Variants in BCAS4 observed in about 807,000 individuals in gnomAD.
BCAS4 encodes the protein breast carcinoma amplified sequence 4.
BCAS4 carries 9 observed loss-of-function variants against 15.7 expected under a neutral mutation model. The ratio of observed to expected loss-of-function variants is 0.57; its 90% CI spans 0.34 to 1.00. The LOEUF (loss-of-function observed/expected upper bound fraction) is 1.00, where lower values mean the gene tolerates loss of function less well. Among genes scored for constraint, BCAS4 ranks in the 50% least tolerant of loss-of-function variants. The pLI is 0.02. For missense variants in BCAS4, 225 were observed against 239.1 expected, an observed-to-expected ratio of 0.94 and a Z score of 0.39; for synonymous variants, 101 against 99.5, an observed-to-expected ratio of 1.02 and a Z score of -0.09.
At chr20:50,807,967 G>A (rs1419446448) in intron 1 of BCAS4, among the ~76,000 whole-genome samples, 1 of 149,988 alleles carries the variant, frequency 6.7e-6, no homozygotes, top group Non-Finnish European at 1.5e-5. Flanking sequence ...GAGTGCAGTG[G>A]CGTGATCTCG....
intron 4 of BCAS4, among the ~76,000 whole-genome samples, chr20:50,856,178 G>A (rs147476764): frequency 8.5e-5 from 13 of 152,332 alleles, no homozygotes; most frequent in African/African-American, 3.1e-4. Flanking sequence ...TCGTTTGTCA[G>A]TGCAGACTCC....
In BCAS4 at chr20:50,825,812, G is replaced by T. The variant is rs141137294; in HGVS notation, c.163-4467G>T. 4.0e-3 allele frequency among the ~76,000 whole-genome samples: 607 copies of T among 152,258 alleles called. 3 individuals are homozygous for T. The highest frequency in any genetic ancestry group is 0.014 in the African/African-American group (571 of 41,546). On this transcript the variant is annotated intron_variant, in intron 2 of 4. Transcript: ENST00000371608. ...GAATCACTTGAACCTAGGAGGCAGAGGTTGCAGTGAGCAGAGATGGTGCCA... is the reference window on the plus strand; with the variant it reads ...GAATCACTTGAACCTAGGAGGCAGATGTTGCAGTGAGCAGAGATGGTGCCA...
At chr20:50,867,310 T>G (rs1472992081) in intron 4 of BCAS4, among the ~76,000 whole-genome samples, 1 of 152,104 alleles carries the variant, frequency 6.6e-6, no homozygotes, top group Non-Finnish European at 1.5e-5. Flanking sequence ...GCCTGTTTTG[T>G]TTTGGTTTGG....
chr20:50,806,215 A>G (rs1212985342), intron 1 of BCAS4, among the ~76,000 whole-genome samples: 3 of 152,056 alleles, frequency 2.0e-5, no homozygotes, highest in Non-Finnish European at 2.9e-5. Flanking sequence ...TTTTCTCACA[A>G]TTTTCAAATG....
At chr20:50,824,472 A>C (rs2088253199) in intron 2 of BCAS4, among the ~76,000 whole-genome samples, 1 of 152,218 alleles carries the variant, frequency 6.6e-6, no homozygotes, top group African/African-American at 2.4e-5. Flanking sequence ...TGGGGCCTCC[A>C]GGCTAGCACA....
At chr20:50,847,521 A>T (rs904852365) in intron 4 of BCAS4, among the ~76,000 whole-genome samples, 1 of 152,194 alleles carries the variant, frequency 6.6e-6, no homozygotes, top group African/African-American at 2.4e-5. Context: ...TCAGCTTGTC[A>T]ATCCTCATAA....
intron 1 of BCAS4, among the ~76,000 whole-genome samples, chr20:50,801,020 T>C (rs1170446495): frequency 6.6e-6 from 1 of 152,238 alleles, no homozygotes; most frequent in Non-Finnish European, 1.5e-5. Context: ...CTAAGAATGT[T>C]ACATCCAACT....
In BCAS4 at chr20:50,841,892, T is replaced by G. The variant is rs554896122; in HGVS notation, c.391T>G (p.Phe131Val). The change falls in exon 4 of 5, where the codon TTC becomes GTC. Residue 131 changes from phenylalanine (F) to valine (V), a missense_variant. Physicochemically the swap from Phe to Val is conservative, Grantham distance 50. Coordinates refer to ENST00000371608, the MANE Select transcript of BCAS4 (RefSeq NM_198799.4). ...GCTGGGATCCGCAGGGCTCCCCTCC[T>G]TCAGGAACGTGAGTATCCTGCCCCG... Reference protein sequence around the residue: ...RWLGSAGLPSFRNKSPAPVPV... With the variant: ...RWLGSAGLPSVRNKSPAPVPV... 6.3e-7 allele frequency: 1 copy of G among 1,582,878 alleles called. No homozygotes were observed. The highest frequency in any genetic ancestry group is 1.1e-5 in the South Asian group (1 of 87,814).
intron 4 of BCAS4, among the ~76,000 whole-genome samples, chr20:50,854,367 G>A (rs1382783099): frequency 5.3e-5 from 8 of 152,114 alleles, no homozygotes; most frequent in African/African-American, 1.4e-4. Context: ...TGATGTGGGC[G>A]CTGTTCTAGC....
At chr20:50,811,168 T>C (rs996848413) in intron 1 of BCAS4, among the ~76,000 whole-genome samples, 28 of 151,714 alleles carry the variant, frequency 1.8e-4, no homozygotes, top group Non-Finnish European at 4.0e-4. Context: ...GAGGCCCCCA[T>C]TAGGTGTTTT....
intron 4 of BCAS4, among the ~76,000 whole-genome samples, chr20:50,867,974 G>A (rs752413739): frequency 2.0e-5 from 3 of 152,186 alleles, no homozygotes; most frequent in Non-Finnish European, 2.9e-5. Context: ...GAGCCACCAC[G>A]CCCAGCCTCA....
intron 4 of BCAS4, among the ~76,000 whole-genome samples, chr20:50,872,263 CAAAAAAA>C (rs71192504): frequency 4.8e-5 from 3 of 62,738 alleles, no homozygotes; most frequent in African/African-American, 8.3e-5. Flanking sequence ...GACTCTGTCT[CAAAAAAA>C]AAAAAAAAAA....
At chr20:50,811,544 G>A (rs2088062825) in intron 1 of BCAS4, among the ~76,000 whole-genome samples, 1 of 151,916 alleles carries the variant, frequency 6.6e-6, no homozygotes, top group Non-Finnish European at 1.5e-5. Flanking sequence ...TCCTCTCCCT[G>A]CCACTCCATG....
intron 1 of BCAS4, among the ~76,000 whole-genome samples, chr20:50,811,271 G>A (rs955832775): frequency 1.3e-5 from 2 of 152,084 alleles, no homozygotes; most frequent in African/African-American, 4.8e-5. Flanking sequence ...AGGCTGAGGC[G>A]GGAGGATCCC....
chr20:50,870,175 G>A (rs1979562186), intron 4 of BCAS4, among the ~76,000 whole-genome samples: 1 of 152,218 alleles, frequency 6.6e-6, no homozygotes, highest in Non-Finnish European at 1.5e-5. Context: ...GGTTTGCAAA[G>A]CCTAAAATAT....
At chr20:50,867,915 A>AAAAC (rs765588512) in intron 4 of BCAS4, among the ~76,000 whole-genome samples, 3 of 152,136 alleles carry the variant, frequency 2.0e-5, no homozygotes, top group Non-Finnish European at 4.4e-5. Context: ...CTCCATCTCA[A>AAAAC]AAACAAACAA....
In BCAS4 at chr20:50,798,915, A is replaced by G. The variant is rs141457439; in HGVS notation, c.90+3742A>G. Among the ~76,000 whole-genome samples, 229 of 152,304 alleles carry G rather than the reference A, an allele frequency of 1.5e-3. 1 individual carries two copies. Among genetic ancestry groups the G allele is most frequent in the Non-Finnish European group, 2.5e-3 (173 of 68,028 alleles). On this transcript the variant is annotated intron_variant, in intron 1 of 4. Transcript: ENST00000371608. ...TATAGGTCAGCAAACAGAGGCTCTCATGGCATAAATGACTTCATGTGGATG... is the reference window on the plus strand; with the variant it reads ...TATAGGTCAGCAAACAGAGGCTCTCGTGGCATAAATGACTTCATGTGGATG...
chr20:50,840,780 C>T (rs549337523), intron 3 of BCAS4: 18 of 1,506,070 alleles, frequency 1.2e-5, no homozygotes, highest in Admixed American at 5.0e-5. Context: ...GCGAGGCACG[C>T]GAGAACGAGC....
chr20:50,841,565 A>C (rs2088481811), intron 3 of BCAS4, among the ~76,000 whole-genome samples: 1 of 152,154 alleles, frequency 6.6e-6, no homozygotes, highest in South Asian at 2.1e-4. Flanking sequence ...AGAGGCCACC[A>C]GCGGGAGCTG....
Sources: gnomAD v4.1 joint callset for allele counts (sites outside exome capture counted in the v4.1 genomes callset) on GRCh38, gnomAD v4.1.1 for gene constraint, MANE v1.5 for transcripts, NCBI Gene and HGNC (gene_info 2026-07-23, HGNC 2026-07-21) for gene names.